Variants in ST7L observed in about 807,000 individuals in gnomAD.
ST7L encodes the protein suppressor of tumorigenicity 7 protein-like.
In ST7L, 57 loss-of-function variants were observed where a neutral mutation model predicts 72.5. The ratio of observed to expected loss-of-function variants is 0.79; its 90% confidence interval spans 0.64 to 0.98. The LOEUF is 0.98. Ranked by LOEUF, ST7L falls within the 50% of genes least tolerant of loss-of-function variation. The probability of loss-of-function intolerance (pLI) is 0.00; values close to 1 mark genes in which losing one functional copy is unlikely to be tolerated. For synonymous variants in ST7L, 221 were observed against 240.9 expected (o/e 0.92, Z 0.77); for missense variants, 576 against 672.2 (o/e 0.86, Z 1.58).
chr1:112,578,597 A>G (rs1010403461), intron 9 of ST7L, among the ~76,000 whole-genome samples, 180 bp from the exon 10 acceptor site: 1 of 151,956 alleles, frequency 6.6e-6, no homozygotes, highest in African/African-American at 2.4e-5. Context: ...AAAATGGAGA[A>G]ACCCCGTCTC....
Position 112,617,715 on chromosome 1 carries a change from TCTCACACACACACA to T in ST7L, c.206-834_206-821del, listed in dbSNP as rs1299888209. Among the ~76,000 whole-genome samples, 67 of 123,150 alleles carry T rather than the reference TCTCACACACACACA, an allele frequency of 5.4e-4. No individual in the cohort carries two copies. In the South Asian group the frequency reaches 7.0e-3, roughly 13 times the overall value. 80.8% of individuals were successfully genotyped at this position (123,150 alleles called of 152,430 possible). On this transcript the variant is annotated intron_variant, in intron 1 of 14. Transcript: ENST00000358039. ...GGGAGACTCTGTCTGTCTTTCTCTC[TCTCACACACACACA>T]CACACACACACACACACACACACAC...
chr1:112,615,536 A>G (rs1040317778), intron 2 of ST7L, among the ~76,000 whole-genome samples: 1 of 152,194 alleles, frequency 6.6e-6, no homozygotes, highest in African/African-American at 2.4e-5. Context: ...GTAGTCAGAC[A>G]TGGTGGCACA....
intron 2 of ST7L, among the ~76,000 whole-genome samples, chr1:112,612,837 G>T (rs1329887990): frequency 6.6e-6 from 1 of 152,070 alleles, no homozygotes; most frequent in Non-Finnish European, 1.5e-5. Flanking sequence ...ATTGGATAGG[G>T]CCAGGCACGG....
At chr1:112,588,473 T>C (rs1419953762) in intron 6 of ST7L, among the ~76,000 whole-genome samples, 1 of 152,238 alleles carries the variant, frequency 6.6e-6, no homozygotes, top group Non-Finnish European at 1.5e-5. Flanking sequence ...AGTTTTTTAA[T>C]GTTTTCATCA....
intron 5 of ST7L, among the ~76,000 whole-genome samples, chr1:112,597,421 A>G (rs1487950397): frequency 6.6e-6 from 1 of 152,212 alleles, no homozygotes; most frequent in Non-Finnish European, 1.5e-5. Context: ...ACTGCACTCC[A>G]GCCTGGACAA....
At chr1:112,604,145 T>C (rs867686767) in intron 3 of ST7L, among the ~76,000 whole-genome samples, 25 of 152,064 alleles carry the variant, frequency 1.6e-4, no homozygotes, top group Admixed American at 5.9e-4. Flanking sequence ...CTGTCTCTAC[T>C]AAAAATACAA....
At chr1:112,587,734 T>G (rs1665077604) in intron 6 of ST7L, among the ~76,000 whole-genome samples, 1 of 152,258 alleles carries the variant, frequency 6.6e-6, no homozygotes. Flanking sequence ...GGTAAGTTTT[T>G]AAATTGTGTA....
At chr1:112,568,425 C>T (rs969631089) in intron 11 of ST7L, among the ~76,000 whole-genome samples, 7 of 150,024 alleles carry the variant, frequency 4.7e-5, no homozygotes, top group Non-Finnish European at 8.9e-5. Flanking sequence ...CAAGCTCTGC[C>T]TCCCAGGTTC....
At chr1:112,554,451 A>C (rs1405741020) in intron 12 of ST7L, among the ~76,000 whole-genome samples, 3 of 152,224 alleles carry the variant, frequency 2.0e-5, no homozygotes, top group African/African-American at 7.2e-5. Context: ...TATTTACATA[A>C]AGAAAAATCC....
At chr1:112,556,985 C>CAAAAAAAA (rs1196828305) in intron 11 of ST7L, among the ~76,000 whole-genome samples, 3 of 82,106 alleles carry the variant, frequency 3.7e-5, no homozygotes, top group African/African-American at 5.0e-5. Flanking sequence ...AAAAAAAAAA[C>CAAAAAAAA]AAAAAAAAAA....
intron 3 of ST7L, chr1:112,610,373 T>C (rs1416006710): frequency 1.3e-5 from 2 of 153,206 alleles, no homozygotes; most frequent in East Asian, 1.9e-4. Flanking sequence ...ATACTAGCCA[T>C]GGACTAACTA....
At chr1:112,520,566 G>A (rs1652818624), downstream of ST7L, 2 of 1,563,138 alleles carry the variant, frequency 1.3e-6, no homozygotes, top group Non-Finnish European at 8.7e-7. Context: ...AAAAGCACAA[G>A]ATCCTTGCAT....
At chr1:112,591,842 C>G (rs1254926563) in intron 5 of ST7L, among the ~76,000 whole-genome samples, 1 of 151,700 alleles carries the variant, frequency 6.6e-6, no homozygotes, top group Non-Finnish European at 1.5e-5. Context: ...TACAGGGTAC[C>G]TAAACAAGTT....
At chr1:112,552,476 C>T (rs1001283328) in intron 12 of ST7L, among the ~76,000 whole-genome samples, 2 of 152,132 alleles carry the variant, frequency 1.3e-5, no homozygotes, top group African/African-American at 2.4e-5. Flanking sequence ...GCGATCTCGG[C>T]TCACCACAAT....
intron 5 of ST7L, among the ~76,000 whole-genome samples, chr1:112,595,150 T>G (rs373615356): frequency 2.6e-5 from 4 of 151,980 alleles, no homozygotes; most frequent in East Asian, 1.9e-4. Context: ...GCGGATCACC[T>G]GAGGTTGGGG....
intron 2 of ST7L, among the ~76,000 whole-genome samples, chr1:112,613,676 T>C (rs751366072): frequency 2.0e-5 from 3 of 152,166 alleles, no homozygotes; most frequent in Non-Finnish European, 4.4e-5. Context: ...AATTTGTGTA[T>C]ATTTAAAATG....
At chr1:112,595,193 C>T (rs1666271038) in intron 5 of ST7L, among the ~76,000 whole-genome samples, 1 of 151,676 alleles carries the variant, frequency 6.6e-6, no homozygotes, top group South Asian at 2.1e-4. Flanking sequence ...TGGAGAAACC[C>T]TGTCTCTACT....
chr1:112,618,062 G>C, intron 1 of ST7L: 1 of 1,303,902 alleles, frequency 7.7e-7, no homozygotes, highest in Non-Finnish European at 1.0e-6. Context: ...TTTTGCTTCA[G>C]AAAAATCAAC....
intron 3 of ST7L, 183 bp downstream of exon 3, chr1:112,610,658 C>A: frequency 3.0e-6 from 2 of 657,970 alleles, no homozygotes; most frequent in Admixed American, 6.6e-5. Flanking sequence ...CCTGAGGGCA[C>A]TGCCCTCATG....
Sources: gnomAD v4.1 joint callset for allele counts (sites outside exome capture counted in the v4.1 genomes callset) on GRCh38, gnomAD v4.1.1 for gene constraint, MANE v1.5 for transcripts, NCBI Gene and HGNC (gene_info 2026-07-23, HGNC 2026-07-21) for gene names.